The following BMP6 variants were observed in gnomAD, a reference collection of about 807,000 sequenced individuals.
The protein encoded by BMP6 is VG-1-R.
BMP6 carries 17 observed loss-of-function variants against 54.1 expected under a neutral mutation model. The observed-to-expected ratio is 0.31, with a 90% CI of 0.22 to 0.47. The LOEUF (loss-of-function observed/expected upper bound fraction) is 0.47, where lower values mean the gene tolerates loss of function less well. Ranked by LOEUF, BMP6 falls within the 20% of genes least tolerant of loss-of-function variation. BMP6 has a pLI of 1.00. For missense variants in BMP6, 720 were observed against 690.4 expected (o/e 1.04, Z -0.48); for synonymous variants, 328 against 291.2 (o/e 1.13, Z -1.28).
At chr6:7,771,863 G>A (rs1281238667) in intron 1 of BMP6, among the ~76,000 whole-genome samples, 2 of 152,092 alleles carry the variant, frequency 1.3e-5, no homozygotes, top group Non-Finnish European at 2.9e-5. Context: ...GACCAGCCTG[G>A]CTAACATGGT....
At chr6:7,822,298 G>A (rs1329104323) in intron 1 of BMP6, among the ~76,000 whole-genome samples, 1 of 152,214 alleles carries the variant, frequency 6.6e-6, no homozygotes, top group African/African-American at 2.4e-5. Context: ...GGGATTACAG[G>A]CGTGAGCCAC....
intron 1 of BMP6, among the ~76,000 whole-genome samples, chr6:7,775,725 T>C (rs528698328): frequency 6.6e-6 from 1 of 152,350 alleles, no homozygotes; most frequent in South Asian, 2.1e-4. Flanking sequence ...AAAATTTCTT[T>C]TTCTTCCAGG....
chr6:7,806,660 C>CT (rs942976903), intron 1 of BMP6, among the ~76,000 whole-genome samples: 127 of 147,876 alleles, frequency 8.6e-4, no homozygotes, highest in African/African-American at 2.2e-3. Flanking sequence ...ACAGAGATTT[C>CT]TTTTTTTTTT....
intron 1 of BMP6, among the ~76,000 whole-genome samples, chr6:7,729,094 G>A (rs565039029): frequency 2.4e-4 from 36 of 152,288 alleles, no homozygotes; most frequent in African/African-American, 7.9e-4. Context: ...ACTGCCCGGG[G>A]TTCTGATTGG....
intron 1 of BMP6, among the ~76,000 whole-genome samples, chr6:7,834,340 C>T (rs547531100): frequency 1.3e-5 from 2 of 149,412 alleles, no homozygotes; most frequent in East Asian, 2.0e-4. Flanking sequence ...ATCAGAGTGA[C>T]GGGAGAGTAA....
At chr6:7,763,453 C>G (rs866377444) in intron 1 of BMP6, among the ~76,000 whole-genome samples, 1 of 152,182 alleles carries the variant, frequency 6.6e-6, no homozygotes. Context: ...AGAAAAACTT[C>G]AAGAAAACAT....
chr6:7,742,378 T>A lies in BMP6; in HGVS notation c.664+14759T>A, dbSNP rs78012044. The stretch of plus-strand genomic sequence containing the variant: ...TTTCATGCATGCAAGGAGGCACGAC[T>A]CTTCACGCAGGTGCCGTTGCAGAAT... On this transcript the variant is annotated intron_variant, in intron 1 of 6. Transcript: ENST00000283147. 2.0e-5 allele frequency among the ~76,000 whole-genome samples: 3 copies of A among 152,374 alleles called. No individual in the cohort carries two copies. In the East Asian group the frequency reaches 5.8e-4, roughly 29 times the overall value.
At chr6:7,800,891 G>C (rs1432792745) in intron 1 of BMP6, among the ~76,000 whole-genome samples, 2 of 124,772 alleles carry the variant, frequency 1.6e-5, no homozygotes, top group African/African-American at 6.4e-5. Flanking sequence ...TCAGGCTGTG[G>C]TCATAAAATA....
chr6:7,771,020 T>C (rs568299076), intron 1 of BMP6, among the ~76,000 whole-genome samples: 58 of 152,334 alleles, frequency 3.8e-4, no homozygotes, highest in East Asian at 1.5e-3. Flanking sequence ...CCTTGGCTCG[T>C]TGGAAATTCA....
At chr6:7,774,262 A>G (rs1267733886) in intron 1 of BMP6, among the ~76,000 whole-genome samples, 2 of 152,236 alleles carry the variant, frequency 1.3e-5, no homozygotes, top group East Asian at 1.9e-4. Context: ...CCAAGAAAGC[A>G]TAGCAGGCTG....
chr6:7,778,882 T>A (rs1048555899), intron 1 of BMP6, among the ~76,000 whole-genome samples: 1 of 152,240 alleles, frequency 6.6e-6, no homozygotes, highest in Non-Finnish European at 1.5e-5. Flanking sequence ...TGATGTTTAC[T>A]CATCTGGCCT....
chr6:7,788,968 G>C (rs930385359), intron 1 of BMP6, among the ~76,000 whole-genome samples: 1 of 151,774 alleles, frequency 6.6e-6, no homozygotes, highest in Non-Finnish European at 1.5e-5. Flanking sequence ...GGCAACCCAA[G>C]GAGCTTTTTC....
intron 1 of BMP6, among the ~76,000 whole-genome samples, chr6:7,788,056 A>C (rs1758044160): frequency 6.6e-6 from 1 of 152,096 alleles, no homozygotes; most frequent in African/African-American, 2.4e-5. Context: ...CCCTTTAGAG[A>C]TATTAGAAAC....
At chr6:7,850,733 T>C (rs776305523) in intron 2 of BMP6, among the ~76,000 whole-genome samples, 3 of 152,100 alleles carry the variant, frequency 2.0e-5, no homozygotes, top group Non-Finnish European at 2.9e-5. Context: ...CCCGAGACGA[T>C]GTGAGATGTA....
At chr6:7,827,440 A>G (rs1316092422) in intron 1 of BMP6, among the ~76,000 whole-genome samples, 1 of 152,204 alleles carries the variant, frequency 6.6e-6, no homozygotes, top group Admixed American at 6.5e-5. Flanking sequence ...TAGAGGAGGG[A>G]GAGAGAGTAA....
intron 2 of BMP6, among the ~76,000 whole-genome samples, chr6:7,848,180 A>G (rs1037770250): frequency 6.6e-6 from 1 of 152,196 alleles, no homozygotes; most frequent in Non-Finnish European, 1.5e-5. Context: ...TCACAAGGTT[A>G]GAATTATGGA....
Position 7,880,381 on chromosome 6 carries a change from G to GA in BMP6, c.*39dup. The stretch of plus-strand genomic sequence containing the variant: ...TGCTGGGGACACACATTCTGCCTTG[G>GA]ATTCCTAGATTACATCTGCCTTAAA... On this transcript the variant is annotated 3_prime_UTR_variant, in exon 7 of 7. Transcript: ENST00000283147. 1 of 1,610,832 alleles carries GA rather than the reference G, an allele frequency of 6.2e-7. No homozygotes were observed. The highest frequency in any genetic ancestry group is 2.2e-5 in the East Asian group (1 of 44,828).
intron 1 of BMP6, among the ~76,000 whole-genome samples, chr6:7,778,881 C>T (rs1757899553): frequency 6.6e-6 from 1 of 152,212 alleles, no homozygotes; most frequent in South Asian, 2.1e-4. Flanking sequence ...TTGATGTTTA[C>T]TCATCTGGCC....
In BMP6 at chr6:7,762,863, T is replaced by C. The variant is rs1757632941; in HGVS notation, c.664+35244T>C. Among the ~76,000 whole-genome samples, 2 of 152,224 alleles carry C rather than the reference T, an allele frequency of 1.3e-5. 1 individual carries two copies. The highest frequency in any genetic ancestry group is 4.1e-4 in the South Asian group (2 of 4,830). ...GCTAGAGGGGATCTTAATAGTTGGCTTGATGTTTAAGCCGCCGTGCGACGC... is the reference window on the plus strand; with the variant it reads ...GCTAGAGGGGATCTTAATAGTTGGCCTGATGTTTAAGCCGCCGTGCGACGC... On this transcript the variant is annotated intron_variant, in intron 1 of 6. Transcript: ENST00000283147.
Sources: allele counts gnomAD v4.1 joint callset (sites outside exome capture counted in the v4.1 genomes callset), GRCh38; gene constraint gnomAD v4.1.1; transcripts MANE v1.5; gene names NCBI Gene and HGNC (gene_info 2026-07-23, HGNC 2026-07-21).